The following TDRD12 variants were observed in gnomAD, a reference collection of about 807,000 sequenced individuals.
TDRD12 encodes putative ATP-dependent RNA helicase TDRD12.
Under a neutral mutation model 133.5 loss-of-function variants are expected in TDRD12, and 158 were observed. That is an observed-to-expected ratio of 1.18 (90% confidence interval 1.04 to 1.35). The LOEUF (loss-of-function observed/expected upper bound fraction) is 1.35, where lower values mean the gene tolerates loss of function less well. Ranked by LOEUF, TDRD12 falls within the 40% of genes most tolerant of loss-of-function variation. The pLI, the probability that TDRD12 is intolerant of heterozygous loss-of-function variation, is 0.00. For synonymous variants in TDRD12, 460 were observed against 477.9 expected, an observed-to-expected ratio of 0.96 and a Z score of 0.49; for missense variants, 1,443 against 1,321.3, an observed-to-expected ratio of 1.09 and a Z score of -1.43.
chr19:32,788,795 G>C (rs1970984088), intron 11 of TDRD12, among the ~76,000 whole-genome samples: 1 of 152,118 alleles, frequency 6.6e-6, no homozygotes, highest in Non-Finnish European at 1.5e-5. Context: ...GGGTCTCTCT[G>C]GGGAGCGAGC....
At chr19:32,763,478 G>A (rs1599554073) in intron 8 of TDRD12, among the ~76,000 whole-genome samples, 1 of 152,166 alleles carries the variant, frequency 6.6e-6, no homozygotes, top group Non-Finnish European at 1.5e-5. Context: ...AAATCGGGCT[G>A]TATTTCCCTT....
exon 10 of TDRD12, chr19:32,828,970 A>G (rs942716374): frequency 2.0e-5 from 3 of 152,314 alleles, no homozygotes; most frequent in African/African-American, 7.2e-5. Context: ...CAGGTATCAA[A>G]TCAGCCCATG....
At chr19:32,796,979 G>A (rs937587716) in intron 14 of TDRD12, among the ~76,000 whole-genome samples, 10 of 144,534 alleles carry the variant, frequency 6.9e-5, no homozygotes, top group South Asian at 2.2e-4. Context: ...AGAGAGGTTC[G>A]TCTTTTTTTT....
chr19:32,817,135 T>A (rs1469298203), intron 26 of TDRD12, among the ~76,000 whole-genome samples: 1 of 152,190 alleles, frequency 6.6e-6, no homozygotes, highest in Non-Finnish European at 1.5e-5. Flanking sequence ...AAAATAAACA[T>A]GACAACAGCT....
intron 7 of TDRD12, among the ~76,000 whole-genome samples, chr19:32,756,565 T>A (rs1314102537): frequency 1.3e-5 from 2 of 152,080 alleles, no homozygotes; most frequent in South Asian, 2.1e-4. Context: ...TTTTTTTGTA[T>A]TTTTAGTAGA....
At chr19:32,743,521 T>G (rs1969498907) in intron 4 of TDRD12, among the ~76,000 whole-genome samples, 1 of 152,064 alleles carries the variant, frequency 6.6e-6, no homozygotes, top group African/African-American at 2.4e-5. Flanking sequence ...GTGCTGGGAT[T>G]CCAGGCATGA....
chr19:32,813,109 G>A (rs1404968587), intron 24 of TDRD12, among the ~76,000 whole-genome samples: 1 of 152,128 alleles, frequency 6.6e-6, no homozygotes, highest in African/African-American at 2.4e-5. Context: ...CCTGGAGTTC[G>A]AGGCTGCAGT....
intron 11 of TDRD12, among the ~76,000 whole-genome samples, chr19:32,778,415 G>C (rs1381388835): frequency 6.6e-6 from 1 of 152,106 alleles, no homozygotes; most frequent in African/African-American, 2.4e-5. Flanking sequence ...GGAACAGAAG[G>C]CCATACAGCT....
At chr19:32,766,200 A>T (rs1292652209) in intron 8 of TDRD12, among the ~76,000 whole-genome samples, 1 of 152,130 alleles carries the variant, frequency 6.6e-6, no homozygotes, top group Non-Finnish European at 1.5e-5. Context: ...AATCATTTCT[A>T]TTTAGTGCTA....
At chr19:32,811,134 C>T in intron 23 of TDRD12, 76 bp from the exon 24 acceptor site, 1 of 1,166,252 alleles carries the variant, frequency 8.6e-7, no homozygotes, top group South Asian at 1.4e-5. Context: ...ATATGTTTTC[C>T]ATTTCATGGT....
intron 22 of TDRD12, among the ~76,000 whole-genome samples, chr19:32,807,878 AT>A (rs543166427): frequency 1.8e-4 from 27 of 151,322 alleles, no homozygotes; most frequent in African/African-American, 5.6e-4. Flanking sequence ...CAGTTTAAGG[AT>A]TTTTTTTTCA....
chr19:32,755,139 A>G (rs183359713), intron 6 of TDRD12, among the ~76,000 whole-genome samples: 192 of 152,330 alleles, frequency 1.3e-3, no homozygotes, highest in African/African-American at 3.7e-3. Flanking sequence ...TTGTGTGGAT[A>G]TACTACAGTG....
At chr19:32,738,133 G>A (rs971333689) in intron 2 of TDRD12, among the ~76,000 whole-genome samples, 8 of 151,674 alleles carry the variant, frequency 5.3e-5, no homozygotes, top group African/African-American at 1.5e-4. Context: ...GCAAAACTCC[G>A]TCTCAAAAAA....
At chr19:32,789,289 A>G (rs1971000033) in intron 11 of TDRD12, among the ~76,000 whole-genome samples, 1 of 152,130 alleles carries the variant, frequency 6.6e-6, no homozygotes, top group Non-Finnish European at 1.5e-5. Flanking sequence ...GTTCTGGAAT[A>G]TTGTCTCTAA....
chr19:32,719,881 C>A, exon 1 of TDRD12: 1 of 656,338 alleles, frequency 1.5e-6, no homozygotes. Flanking sequence ...CTCGAGCCGA[C>A]CCCGGGGTCC....
chr19:32,739,865 C>T (rs1164025665), intron 3 of TDRD12, among the ~76,000 whole-genome samples: 1 of 134,042 alleles, frequency 7.5e-6, no homozygotes, highest in African/African-American at 2.9e-5. Flanking sequence ...GTGCTCTCTG[C>T]ATCTCCTGGT....
intron 8 of TDRD12, among the ~76,000 whole-genome samples, chr19:32,765,217 G>A (rs1245462372): frequency 4.6e-5 from 7 of 152,250 alleles, no homozygotes; most frequent in Non-Finnish European, 1.0e-4. Context: ...TAGAATGGCA[G>A]TCATTAAAAA....
At chr19:32,799,315 A>G (rs1971318445) in intron 16 of TDRD12, among the ~76,000 whole-genome samples, 1 of 152,168 alleles carries the variant, frequency 6.6e-6, no homozygotes. Flanking sequence ...TCTGTGCAGC[A>G]TCCTTTCTGA....
At position 32,722,766 on chromosome 19, in the gene TDRD12, G is replaced by A. The variant is rs139303667; in HGVS notation, c.24+2670G>A. 4.0e-3 allele frequency among the ~76,000 whole-genome samples: 601 copies of A among 149,404 alleles called. 7 individuals are homozygous for A. The highest frequency in any genetic ancestry group is 0.014 in the African/African-American group (557 of 40,644). Reference sequence around the variant, plus strand: ...GCAATCTCGGCTCACTGCAACCTCCGCCTCCCGAGTTCAAGCGATTCTCCT... The same window carrying A: ...GCAATCTCGGCTCACTGCAACCTCCACCTCCCGAGTTCAAGCGATTCTCCT... On this transcript the variant is annotated intron_variant, in intron 1 of 27. Coordinates refer to ENST00000444215, the Ensembl canonical transcript of TDRD12.
Sources: gnomAD v4.1 joint callset for allele counts (sites outside exome capture counted in the v4.1 genomes callset) on GRCh38, gnomAD v4.1.1 for gene constraint, MANE v1.5 for transcripts, NCBI Gene and HGNC (gene_info 2026-07-23, HGNC 2026-07-21) for gene names.